UPF2: variants seen among roughly 807,000 people sequenced by gnomAD.
The protein encoded by UPF2 is UPF2 regulator of nonsense mediated mRNA decay.
A neutral mutation model predicts 141.4 loss-of-function variants in UPF2; 17 were observed. The ratio of observed to expected loss-of-function variants is 0.12; its 90% CI spans 0.08 to 0.18. The LOEUF is 0.18. Among genes scored for constraint, UPF2 ranks in the 10% least tolerant of loss-of-function variants. UPF2 has a pLI of 1.00. For missense variants in UPF2, 1,152 were observed against 1,515.9 expected (o/e 0.76, Z 3.99); for synonymous variants, 540 against 498.0 (o/e 1.08, Z -1.12).
Position 11,920,082 on chromosome 10 carries a change from T to G in UPF2, c.*1216A>C, listed in dbSNP as rs561541414. 6.6e-5 allele frequency: 10 copies of G among 152,342 alleles called. No individual in the cohort carries two copies. Among genetic ancestry groups the G allele is most frequent in the African/African-American group, 2.4e-4 (10 of 41,586 alleles). 9.4% of individuals were successfully genotyped at this position (152,342 alleles called of 1,614,324 possible). ...TCAGATTTCTGAAGCTGGTGAAGATTGGGCAGCATTTCCATGTGAAATGTT... is the reference window on the plus strand; with the variant it reads ...TCAGATTTCTGAAGCTGGTGAAGATGGGGCAGCATTTCCATGTGAAATGTT... On this transcript the variant is annotated 3_prime_UTR_variant, in exon 22 of 22. Coordinates refer to ENST00000357604, the MANE Select transcript of UPF2 (RefSeq NM_015542.4).
intron 19 of UPF2, among the ~76,000 whole-genome samples, chr10:11,933,812 A>T (rs1167167263): frequency 1.3e-5 from 2 of 152,236 alleles, no homozygotes; most frequent in Non-Finnish European, 2.9e-5. Flanking sequence ...AAAGGGAGGA[A>T]GGAAAAAAAC....
At chr10:12,009,352 A>G (rs1834090340) in intron 4 of UPF2, among the ~76,000 whole-genome samples, 1 of 152,202 alleles carries the variant, frequency 6.6e-6, no homozygotes, top group Non-Finnish European at 1.5e-5. Flanking sequence ...GGATATTACT[A>G]TGTAGCAATT....
intron 4 of UPF2, among the ~76,000 whole-genome samples, chr10:12,012,609 C>T (rs1185749009): frequency 6.6e-6 from 1 of 151,482 alleles, no homozygotes; most frequent in Admixed American, 6.6e-5. Flanking sequence ...ATCATCCTGG[C>T]TAACATGGTG....
intron 8 of UPF2, among the ~76,000 whole-genome samples, chr10:11,995,664 T>C (rs1263435780): frequency 6.6e-6 from 1 of 151,974 alleles, no homozygotes; most frequent in African/African-American, 2.4e-5. Context: ...GAGCCCATAG[T>C]CCCAGCTACT....
In UPF2 at chr10:12,014,718, A is replaced by G. The variant is rs551009639; in HGVS notation, c.1146-534T>C. Among the ~76,000 whole-genome samples the G allele has an allele frequency of 1.3e-5, 2 of 152,352 alleles. No homozygotes were observed. Among genetic ancestry groups the G allele is most frequent in the East Asian group, 3.8e-4 (2 of 5,196 alleles). ...AATATTTAACACAACTACACAACTCAGTTTTCAAAACCAACAGATTTTGAA... is the reference window on the plus strand; with the variant it reads ...AATATTTAACACAACTACACAACTCGGTTTTCAAAACCAACAGATTTTGAA... On this transcript the variant is annotated intron_variant, in intron 3 of 21. Coordinates refer to ENST00000357604, the MANE Select transcript of UPF2 (RefSeq NM_015542.4). This position sits in a 1 kb window ranked among gnomAD's most constrained non-coding sequence, Gnocchi z 5.0.
chr10:11,937,350 CTTG>C (rs1399138242), intron 18 of UPF2, among the ~76,000 whole-genome samples: 3 of 152,100 alleles, frequency 2.0e-5, no homozygotes, highest in African/African-American at 7.2e-5. Context: ...AGCTCATAAG[CTTG>C]TTAAGACAGA....
intron 9 of UPF2, among the ~76,000 whole-genome samples, chr10:11,970,557 A>G (rs1277970145): frequency 6.6e-6 from 1 of 152,206 alleles, no homozygotes; most frequent in East Asian, 1.9e-4. Flanking sequence ...CACACTTGTG[A>G]TCACAGCACT....
intron 3 of UPF2, among the ~76,000 whole-genome samples, chr10:12,021,570 T>C (rs936140145): frequency 2.0e-5 from 3 of 151,966 alleles, no homozygotes; most frequent in African/African-American, 7.3e-5. Context: ...TAAAATGATA[T>C]TTTCATGAGA....
At chr10:11,947,786 CAAAAAAA>C (rs58897556) in intron 16 of UPF2, among the ~76,000 whole-genome samples, 1 of 65,580 alleles carries the variant, frequency 1.5e-5, no homozygotes, top group Admixed American at 2.0e-4. Flanking sequence ...AACCTTGTCT[CAAAAAAA>C]AAAAAAAAAA....
At chr10:11,948,816 A>G (rs1833037425) in intron 15 of UPF2, among the ~76,000 whole-genome samples, 1 of 152,230 alleles carries the variant, frequency 6.6e-6, no homozygotes, top group African/African-American at 2.4e-5. Context: ...TCTTGGACAA[A>G]GGTAGAAAAC....
intron 21 of UPF2, among the ~76,000 whole-genome samples, chr10:11,928,146 G>A (rs2131148421): frequency 6.6e-6 from 1 of 152,258 alleles, no homozygotes; most frequent in East Asian, 1.9e-4. Context: ...GACCAGCCTG[G>A]CCAACATGGT....
chr10:12,001,054 T>C (rs1157147397), intron 6 of UPF2, among the ~76,000 whole-genome samples: 1 of 152,220 alleles, frequency 6.6e-6, no homozygotes, highest in Non-Finnish European at 1.5e-5. Flanking sequence ...GAGAATGCTA[T>C]CAAGTTCTCA....
intron 4 of UPF2, 149 bp downstream of exon 4, chr10:12,013,875 C>T: frequency 1.4e-6 from 1 of 719,716 alleles, no homozygotes; most frequent in Non-Finnish European, 2.0e-6. Flanking sequence ...GTTGAGGTTA[C>T]AGGCATGAGC....
At position 11,964,104 on chromosome 10, in the gene UPF2, G is replaced by A; in HGVS notation, c.2089C>T (p.His697Tyr). 2 of 1,613,192 alleles carry A rather than the reference G, an allele frequency of 1.2e-6. No individual in the cohort carries two copies. Among genetic ancestry groups the A allele is most frequent in the Admixed American group, 1.7e-5 (1 of 59,856 alleles). The change falls in exon 11 of 22, where the codon CAT (histidine) becomes TAT (tyrosine). Residue 697 changes from histidine (H) to tyrosine (Y), a missense_variant. Physicochemically the swap from His to Tyr is moderately conservative, Grantham distance 83. Transcript: ENST00000357604. The stretch of plus-strand genomic sequence containing the variant: ...GTGCATGCCATTTCAATATGGTGAT[G>A]AGAGAAGTCTGACAGAAGCATCTGC... ...CLKMLLSDFS[H>Y]HHIEMACTLL...
rs575666318 is a variant in UPF2 at position 11,992,808 on chromosome 10, C to T, written c.1844+4864G>A. Among the ~76,000 whole-genome samples the T allele has an allele frequency of 2.8e-4, 42 of 152,074 alleles. No homozygotes were observed. The highest frequency in any genetic ancestry group is 9.2e-4 in the African/African-American group (38 of 41,490). On this transcript the variant is annotated intron_variant, in intron 8 of 21. Coordinates refer to ENST00000357604, the MANE Select transcript of UPF2 (RefSeq NM_015542.4). This position sits in a 1 kb window ranked among gnomAD's most constrained non-coding sequence, Gnocchi z 4.1. ...GAAAGATGGAATATAAAATAAAGGG[C>T]ACAGGTATACCAAATAAAAGGCACA...
chr10:11,997,610 T>C, intron 8 of UPF2, 62 bp downstream of exon 8: 3 of 1,424,294 alleles, frequency 2.1e-6, no homozygotes, highest in Non-Finnish European at 2.9e-6. Context: ...GTAAGAATTT[T>C]GATCTTACAG....
At chr10:12,024,788 C>T (rs1489148578) in intron 3 of UPF2, among the ~76,000 whole-genome samples, 6 of 151,654 alleles carry the variant, frequency 4.0e-5, no homozygotes, top group African/African-American at 1.5e-4. Flanking sequence ...TAAAAAATAA[C>T]CAGGCATGGT....
chr10:11,942,571 A>G, intron 18 of UPF2, 94 bp downstream of exon 18: 1 of 1,106,476 alleles, frequency 9.0e-7, no homozygotes, highest in Non-Finnish European at 1.3e-6. Flanking sequence ...CAGAAGAGAC[A>G]CTTAGATAGG....
intron 21 of UPF2, among the ~76,000 whole-genome samples, chr10:11,929,455 G>T (rs560744297): frequency 2.0e-4 from 31 of 152,226 alleles, no homozygotes; most frequent in Non-Finnish European, 4.0e-4. Context: ...TACACAATAT[G>T]GCGAGACTCT....
Sources: allele counts gnomAD v4.1 joint callset (sites outside exome capture counted in the v4.1 genomes callset), GRCh38; gene constraint gnomAD v4.1.1; non-coding constraint Gnocchi (gnomAD v3.1); transcripts MANE v1.5; gene names NCBI Gene and HGNC (gene_info 2026-07-23, HGNC 2026-07-21).